The following NKAIN2 variants were observed in gnomAD, a reference collection of about 807,000 sequenced individuals.
NKAIN2 encodes the protein sodium/potassium-transporting ATPase subunit beta-1-interacting protein 2.
A neutral mutation model predicts 32.6 loss-of-function variants in NKAIN2; 14 were observed. The observed-to-expected ratio is 0.43, with a 90% CI of 0.28 to 0.67. The LOEUF (loss-of-function observed/expected upper bound fraction) is 0.67. Among genes scored for constraint, NKAIN2 ranks in the 30% least tolerant of loss-of-function variants. The pLI is 0.17. For synonymous variants in NKAIN2, 80 were observed against 87.2 expected, an observed-to-expected ratio of 0.92 and a Z score of 0.46; for missense variants, 198 against 258.3, an observed-to-expected ratio of 0.77 and a Z score of 1.60.
intron 1 of NKAIN2, among the ~76,000 whole-genome samples, chr6:124,194,057 A>T (rs1790175851): frequency 1.3e-5 from 2 of 151,890 alleles, no homozygotes; most frequent in Non-Finnish European, 2.9e-5. Flanking sequence ...TGGGGCTTTT[A>T]TGGGTCTCAG....
chr6:124,051,967 A>G (rs1468746139), intron 1 of NKAIN2, among the ~76,000 whole-genome samples: 1 of 152,054 alleles, frequency 6.6e-6, no homozygotes, highest in Non-Finnish European at 1.5e-5. Flanking sequence ...AGTACCTCCT[A>G]CAGACTGCCT....
intron 3 of NKAIN2, among the ~76,000 whole-genome samples, chr6:124,377,689 G>T (rs1800052128): frequency 6.6e-6 from 1 of 152,120 alleles, no homozygotes; most frequent in South Asian, 2.1e-4. Flanking sequence ...TGACAGCTTT[G>T]AAAATTCACC....
chr6:124,161,806 G>A (rs989817736), intron 1 of NKAIN2, among the ~76,000 whole-genome samples: 1 of 151,978 alleles, frequency 6.6e-6, no homozygotes, highest in South Asian at 2.1e-4. Flanking sequence ...AGGGGAAGGA[G>A]GGAGGCGGAA....
rs180689814 is a variant in NKAIN2 at position 124,053,566 on chromosome 6, A to G, written c.55-229439A>G. Reference sequence around the variant, plus strand: ...ATTCTGGCAGCCCCCAAGGAGAGGCAGTTTTCTTATCTTGTTTAAGCAGTG... The same window carrying G: ...ATTCTGGCAGCCCCCAAGGAGAGGCGGTTTTCTTATCTTGTTTAAGCAGTG... On this transcript the variant is annotated intron_variant, in intron 1 of 6. Coordinates refer to ENST00000368417, the MANE Select transcript of NKAIN2 (RefSeq NM_001040214.3). Among the ~76,000 whole-genome samples, 232 of 152,106 alleles carry G rather than the reference A, an allele frequency of 1.5e-3. 3 individuals carry two copies. Among genetic ancestry groups the G allele is most frequent in the Admixed American group, 4.2e-3 (64 of 15,246 alleles).
intron 1 of NKAIN2, among the ~76,000 whole-genome samples, chr6:124,079,032 A>G (rs1197497234): frequency 6.6e-6 from 1 of 152,032 alleles, no homozygotes; most frequent in Non-Finnish European, 1.5e-5. Context: ...AGTGGGGGCA[A>G]AGAAAATAGC....
At chr6:124,581,020 G>A (rs187225274) in intron 3 of NKAIN2, among the ~76,000 whole-genome samples, 1 of 152,288 alleles carries the variant, frequency 6.6e-6, no homozygotes, top group Admixed American at 6.5e-5. Flanking sequence ...CAACACTGGA[G>A]CACCCACATA....
At chr6:123,924,268 T>C (rs532347652) in intron 1 of NKAIN2, among the ~76,000 whole-genome samples, 76 of 152,340 alleles carry the variant, frequency 5.0e-4, no homozygotes, top group African/African-American at 1.8e-3. Context: ...CCGGTGAGTC[T>C]TTGGTCTCTG....
At chr6:124,355,091 G>C (rs1037458439) in intron 2 of NKAIN2, among the ~76,000 whole-genome samples, 176 bp from the exon 3 acceptor site, 1 of 150,000 alleles carries the variant, frequency 6.7e-6, no homozygotes, top group Non-Finnish European at 1.5e-5. Context: ...AAGGAAAGAA[G>C]GAAAAAAAAA....
chr6:124,644,338 T>C (rs929286512), intron 3 of NKAIN2, among the ~76,000 whole-genome samples: 15 of 152,280 alleles, frequency 9.9e-5, no homozygotes, highest in African/African-American at 3.1e-4. Flanking sequence ...AGTCCCTTTT[T>C]CATGTTTTTC....
At chr6:123,955,216 A>G (rs1777516312) in intron 1 of NKAIN2, among the ~76,000 whole-genome samples, 2 of 151,790 alleles carry the variant, frequency 1.3e-5, no homozygotes, top group South Asian at 4.2e-4. Flanking sequence ...AAAAAAAGAA[A>G]AAGAAAAAAG....
intron 1 of NKAIN2, among the ~76,000 whole-genome samples, chr6:124,103,048 C>A (rs781539257): frequency 5.3e-5 from 8 of 152,084 alleles, no homozygotes; most frequent in Admixed American, 5.2e-4. Flanking sequence ...AGTTCTAATC[C>A]TAATTCCATA....
intron 3 of NKAIN2, among the ~76,000 whole-genome samples, chr6:124,418,391 T>C (rs2114524479): frequency 6.6e-6 from 1 of 151,726 alleles, no homozygotes; most frequent in East Asian, 1.9e-4. Context: ...CCCTGCAGCA[T>C]TGGACTCTGA....
At chr6:124,261,458 G>A (rs559019781) in intron 1 of NKAIN2, among the ~76,000 whole-genome samples, 27 of 152,274 alleles carry the variant, frequency 1.8e-4, no homozygotes, top group African/African-American at 5.8e-4. Flanking sequence ...CTCAGACCTC[G>A]AGGGAAGTAT....
At chr6:124,675,320 C>T (rs1304941) in intron 4 of NKAIN2, among the ~76,000 whole-genome samples, 27,563 of 151,934 alleles carry the variant, frequency 0.18, 2,753 homozygotes, top group East Asian at 0.34. Context: ...ATGTAAACAT[C>T]GATGTTCATC....
At chr6:123,950,812 T>C (rs1239233018) in intron 1 of NKAIN2, among the ~76,000 whole-genome samples, 1 of 152,040 alleles carries the variant, frequency 6.6e-6, no homozygotes, top group Non-Finnish European at 1.5e-5. Context: ...ATTTTTATTA[T>C]TCTTTTGCTT....
At chr6:124,433,806 C>T (rs1775320306) in intron 3 of NKAIN2, among the ~76,000 whole-genome samples, 1 of 152,146 alleles carries the variant, frequency 6.6e-6, no homozygotes. Context: ...CTTCCATTCG[C>T]CAGGAGCCTC....
At chr6:124,108,890 G>T (rs1038313705) in intron 1 of NKAIN2, among the ~76,000 whole-genome samples, 1 of 151,728 alleles carries the variant, frequency 6.6e-6, no homozygotes, top group Non-Finnish European at 1.5e-5. Context: ...TTGTAATATT[G>T]GTTTATATGT....
chr6:124,601,967 A>G (rs1268738513), intron 3 of NKAIN2, among the ~76,000 whole-genome samples: 5 of 151,936 alleles, frequency 3.3e-5, no homozygotes, highest in East Asian at 1.9e-4. Context: ...TTTTAAGTGT[A>G]CACTTGGATA....
chr6:124,699,999 T>C (rs1170458082), intron 4 of NKAIN2, among the ~76,000 whole-genome samples: 1 of 152,182 alleles, frequency 6.6e-6, no homozygotes, highest in African/African-American at 2.4e-5. Flanking sequence ...TCTTTTTCTT[T>C]CTTTCAGTTA....
Sources: gnomAD v4.1 joint callset for allele counts (sites outside exome capture counted in the v4.1 genomes callset) on GRCh38, gnomAD v4.1.1 for gene constraint, MANE v1.5 for transcripts, NCBI Gene and HGNC (gene_info 2026-07-23, HGNC 2026-07-21) for gene names.